PRP4K: variants seen among roughly 807,000 people sequenced by gnomAD.
PRP4K encodes the protein serine/threonine-protein kinase PRP4 homolog.
chr6:4,060,430 G>A, the PRP4K span: 1 of 1,613,766 alleles, frequency 6.2e-7, no homozygotes, highest in Non-Finnish European at 8.5e-7. This position sits in a 1 kb window ranked among gnomAD's most constrained non-coding sequence, Gnocchi z 4.7. Context: ...TTACTGTTAT[G>A]AGCACCATTA....
the PRP4K span, among the ~76,000 whole-genome samples, chr6:4,051,332 A>T: frequency 5.3e-5 from 8 of 151,512 alleles, 1 homozygote; most frequent in East Asian, 5.8e-4. Flanking sequence ...TGTTTGTTTG[A>T]GATGGAGTTT....
At chr6:4,035,818 T>G in the PRP4K span, among the ~76,000 whole-genome samples, 1 of 151,972 alleles carries the variant, frequency 6.6e-6, no homozygotes, top group Non-Finnish European at 1.5e-5. Context: ...AAATATAAAA[T>G]TAGCTGGACG....
chr6:4,037,346 AT>A, the PRP4K span: 6 of 1,458,962 alleles, frequency 4.1e-6, no homozygotes, highest in South Asian at 1.5e-5. Flanking sequence ...ATAGAAAAAA[AT>A]CATTTACTTT....
the PRP4K span, among the ~76,000 whole-genome samples, chr6:4,050,920 G>C: frequency 1.4e-4 from 22 of 151,784 alleles, no homozygotes; most frequent in East Asian, 4.0e-4. Flanking sequence ...TGTTTGTTTT[G>C]AGACAGGGTT....
the PRP4K span, chr6:4,063,451 G>C: frequency 6.6e-6 from 1 of 152,142 alleles, no homozygotes; most frequent in African/African-American, 2.4e-5. Context: ...ATATCTGAAA[G>C]TAGTCTTCAG....
At chr6:4,034,662 G>T in the PRP4K span, among the ~76,000 whole-genome samples, 1 of 152,014 alleles carries the variant, frequency 6.6e-6, no homozygotes, top group East Asian at 1.9e-4. Flanking sequence ...AATTTCTTAG[G>T]TGACTAGTGA....
chr6:4,037,422 A>G, the PRP4K span: 689 of 1,613,656 alleles, frequency 4.3e-4, 2 homozygotes, highest in African/African-American at 6.9e-3. Context: ...TGATATCCTC[A>G]GTAGACGTGA....
the PRP4K span, chr6:4,060,903 T>C: frequency 1.4e-5 from 5 of 366,984 alleles, no homozygotes; most frequent in Admixed American, 8.9e-5. The surrounding 1 kb of genome is among the most constrained non-coding windows in gnomAD (Gnocchi z 4.7). Context: ...GCATCTGTTA[T>C]GAAATGAGTA....
At chr6:4,027,115 T>C in the PRP4K span, among the ~76,000 whole-genome samples, 1 of 152,160 alleles carries the variant, frequency 6.6e-6, no homozygotes, top group African/African-American at 2.4e-5. Context: ...AGCAATAAAA[T>C]TTCACAAAGA....
the PRP4K span, among the ~76,000 whole-genome samples, chr6:4,054,658 C>CA: frequency 6.6e-6 from 1 of 152,176 alleles, no homozygotes; most frequent in South Asian, 2.1e-4. Context: ...AGGCAGGGGC[C>CA]ACCACGCCCA....
chr6:4,059,390 A>G, the PRP4K span, among the ~76,000 whole-genome samples: 1 of 152,180 alleles, frequency 6.6e-6, no homozygotes, highest in African/African-American at 2.4e-5. Flanking sequence ...AAAATGTATC[A>G]TCTTCAAGCC....
At chr6:4,034,962 C>T in the PRP4K span, among the ~76,000 whole-genome samples, 13 of 152,064 alleles carry the variant, frequency 8.5e-5, no homozygotes, top group South Asian at 2.1e-4. Flanking sequence ...CCGCCCACCT[C>T]GGCCTCCCAA....
At chr6:4,023,865 C>T in the PRP4K span, among the ~76,000 whole-genome samples, 3 of 126,926 alleles carry the variant, frequency 2.4e-5, no homozygotes, top group South Asian at 8.1e-4. Context: ...GACACCATGC[C>T]CAGCTAATTT....
chr6:4,036,856 G>A, the PRP4K span, among the ~76,000 whole-genome samples: 1 of 151,772 alleles, frequency 6.6e-6, no homozygotes, highest in East Asian at 1.9e-4. Context: ...GTGGTGGCAT[G>A]CCCTTATGGT....
At chr6:4,040,816 G>C in the PRP4K span, 26 of 1,614,050 alleles carry the variant, frequency 1.6e-5, 1 homozygote, top group Middle Eastern at 4.1e-3. Context: ...AGGCGGTCTC[G>C]ATCACGCGGT....
At chr6:4,046,171 G>C in the PRP4K span, among the ~76,000 whole-genome samples, 2 of 152,140 alleles carry the variant, frequency 1.3e-5, no homozygotes, top group African/African-American at 4.8e-5. Context: ...GGGATTGCTG[G>C]GTCAGAAGAG....
the PRP4K span, chr6:4,047,157 A>G: frequency 6.3e-7 from 1 of 1,583,216 alleles, no homozygotes; most frequent in East Asian, 2.2e-5. Context: ...TCAAACATTA[A>G]TGCTAATTTC....
the PRP4K span, among the ~76,000 whole-genome samples, chr6:4,048,460 G>A: frequency 6.6e-6 from 1 of 151,896 alleles, no homozygotes; most frequent in Admixed American, 6.6e-5. Flanking sequence ...AACTAGTGCA[G>A]CCAGTGACTT....
the PRP4K span, among the ~76,000 whole-genome samples, chr6:4,059,145 A>G: frequency 0.71 from 107,622 of 152,004 alleles, 38,172 homozygotes; most frequent in East Asian, 0.77. Flanking sequence ...TCATGTTCCT[A>G]TCCCTGCTTA....
Sources: gnomAD v4.1 joint callset for allele counts (sites outside exome capture counted in the v4.1 genomes callset) on GRCh38, gnomAD v4.1.1 for gene constraint, Gnocchi (gnomAD v3.1) non-coding constraint, MANE v1.5 for transcripts, NCBI Gene and HGNC (gene_info 2026-07-23, HGNC 2026-07-21) for gene names.